Variants in SLC45A4 observed in about 807,000 individuals in gnomAD.
The protein encoded by SLC45A4 is polyamine-transporter SLC45A4.
Under a neutral mutation model 63.7 loss-of-function variants are expected in SLC45A4, and 32 were observed. The observed-to-expected ratio is 0.50, with a 90% CI of 0.38 to 0.67. The LOEUF is 0.67. Among genes scored for constraint, SLC45A4 ranks in the 30% least tolerant of loss-of-function variants. SLC45A4 has a pLI of 0.00. For missense variants in SLC45A4, 1,027 were observed against 1,157.7 expected (o/e 0.89, Z 1.64); for synonymous variants, 535 against 510.0 (o/e 1.05, Z -0.66).
intron 2 of SLC45A4, among the ~76,000 whole-genome samples, chr8:141,249,836 C>T (rs1828384046): frequency 1.3e-5 from 2 of 152,170 alleles, no homozygotes; most frequent in Non-Finnish European, 2.9e-5. Flanking sequence ...TAAATTGGGC[C>T]TTTTGTTGTC....
At chr8:141,242,962 A>C in intron 2 of SLC45A4, among the ~76,000 whole-genome samples, 1 of 152,144 alleles carries the variant, frequency 6.6e-6, no homozygotes. Context: ...TGCAGCGGGG[A>C]GCCGGCAGGG....
chr8:141,262,664 G>C (rs1484005855), intron 1 of SLC45A4, among the ~76,000 whole-genome samples: 32 of 152,196 alleles, frequency 2.1e-4, no homozygotes, highest in Non-Finnish European at 3.5e-4. Context: ...ACCACAATGA[G>C]ATACCATCTC....
intron 2 of SLC45A4, chr8:141,252,708 C>T (rs1307504119): frequency 1.6e-5 from 2 of 125,796 alleles, no homozygotes; most frequent in Non-Finnish European, 3.3e-5. Flanking sequence ...TGTTTTCACG[C>T]CCACCTGCGT....
At chr8:141,259,876 G>A (rs775500357) in intron 1 of SLC45A4, among the ~76,000 whole-genome samples, 1 of 152,190 alleles carries the variant, frequency 6.6e-6, no homozygotes, top group Non-Finnish European at 1.5e-5. Context: ...ATGAACAAAT[G>A]AAGCGAATGA....
At position 141,227,160 on chromosome 8, in the gene SLC45A4, A is replaced by C. The variant is rs1460395799; in HGVS notation, c.242-5395T>G. Among the ~76,000 whole-genome samples the C allele has an allele frequency of 6.6e-6, 1 of 152,202 alleles. No individual in the cohort carries two copies. The highest frequency in any genetic ancestry group is 1.5e-5 in the Non-Finnish European group (1 of 68,038). On this transcript the variant is annotated intron_variant, in intron 2 of 8. Coordinates refer to ENST00000517878, the MANE Select transcript of SLC45A4 (RefSeq NM_001286646.2). This position sits in a 1 kb window ranked among gnomAD's most constrained non-coding sequence, Gnocchi z 4.4. The stretch of plus-strand genomic sequence containing the variant: ...TTTTCCCAGGGAAAAGTTGAACAAC[A>C]ATGGTGAGACCAGGAAGGCTCTCCG...
intron 2 of SLC45A4, chr8:141,225,429 T>TAAAA (rs1826916714): frequency 6.6e-6 from 1 of 152,248 alleles, no homozygotes; most frequent in Non-Finnish European, 1.5e-5. Context: ...ACAGTCGGGT[T>TAAAA]AAAAGCGGTG....
chr8:141,230,879 C>T (rs960525693), intron 2 of SLC45A4, among the ~76,000 whole-genome samples: 3 of 152,226 alleles, frequency 2.0e-5, no homozygotes, highest in Admixed American at 6.5e-5. Context: ...ACGGCCCCAA[C>T]GACGCGGAAC....
At position 141,219,721 on chromosome 8, in the gene SLC45A4, C is replaced by G; in HGVS notation, c.539G>C (p.Arg180Pro). ...FSADATEGPI[R>P]AYLLDVVDSE... The stretch of plus-strand genomic sequence containing the variant: ...GTCCACCACGTCCAGCAGATAGGCA[C>G]GGATGGGCCCCTCGGTGGCATCGGC... Residue 180 changes from arginine to proline, a missense_variant, in exon 4 of 9, where the codon CGT becomes CCT. By Grantham distance (103) the Arg-to-Pro change is moderately radical (BLOSUM62 -2). Transcript: ENST00000517878. 1 of 1,610,466 alleles carries G rather than the reference C, an allele frequency of 6.2e-7. No homozygotes were observed. The highest frequency in any genetic ancestry group is 8.5e-7 in the Non-Finnish European group (1 of 1,178,664).
chr8:141,220,093 T>TTTAC (rs1569558093), intron 3 of SLC45A4, among the ~76,000 whole-genome samples: 22 of 152,154 alleles, frequency 1.4e-4, no homozygotes, highest in Middle Eastern at 3.4e-3. Context: ...GCGCCCTTGA[T>TTTAC]GTTTTTCAAA....
intron 1 of SLC45A4, among the ~76,000 whole-genome samples, chr8:141,294,416 GC>G (rs1439477229): frequency 6.6e-6 from 1 of 152,230 alleles, no homozygotes; most frequent in African/African-American, 2.4e-5. Context: ...CCTGACCCCA[GC>G]CCCCGCCTCA....
At chr8:141,237,376 AC>A (rs1179403620) in intron 2 of SLC45A4, among the ~76,000 whole-genome samples, 3 of 151,860 alleles carry the variant, frequency 2.0e-5, no homozygotes, top group Non-Finnish European at 4.4e-5. Flanking sequence ...TCCCCACCAC[AC>A]CACAGCCCAG....
chr8:141,275,491 G>C (rs981485876), intron 1 of SLC45A4, among the ~76,000 whole-genome samples: 1 of 152,020 alleles, frequency 6.6e-6, no homozygotes, highest in African/African-American at 2.4e-5. Flanking sequence ...CCAGCTATTC[G>C]GTAGGCTGAA....
chr8:141,222,097 A>G (rs370166661), intron 2 of SLC45A4, among the ~76,000 whole-genome samples: 904 of 10,252 alleles, frequency 0.088, 12 homozygotes, highest in African/African-American at 0.15. Context: ...AGGGCTGGAC[A>G]CAGGGCTGAG....
chr8:141,211,348 C>G lies in SLC45A4; in HGVS notation c.*224G>C. 1 of 1,388,386 alleles carries G rather than the reference C, an allele frequency of 7.2e-7. No homozygotes were observed. Among genetic ancestry groups the G allele is most frequent in the South Asian group, 1.5e-5 (1 of 65,220 alleles). The allele number at this position is 1,388,386 out of a possible 1,614,324, so 86.0% of individuals were successfully genotyped here. Reference sequence around the variant, plus strand: ...ATGGCTGGGCGCAGACACACTCACACGCGCACGCAGGAGCTCGTCTGGAGC... The same window carrying G: ...ATGGCTGGGCGCAGACACACTCACAGGCGCACGCAGGAGCTCGTCTGGAGC... On this transcript the variant is annotated 3_prime_UTR_variant, in exon 9 of 9. Transcript: ENST00000517878.
intron 1 of SLC45A4, among the ~76,000 whole-genome samples, chr8:141,270,478 A>G (rs1376412949): frequency 6.6e-6 from 1 of 151,826 alleles, no homozygotes; most frequent in East Asian, 1.9e-4. Flanking sequence ...GTTCCAGACC[A>G]GCCTGGACAA....
In SLC45A4 at chr8:141,254,261, AT is replaced by A; in HGVS notation, c.-33del. The A allele has an allele frequency of 1.4e-6, 2 of 1,476,430 alleles. No homozygotes were observed. Among genetic ancestry groups the A allele is most frequent in the Non-Finnish European group, 1.8e-6 (2 of 1,116,710 alleles). 91.5% of individuals were successfully genotyped at this position (1,476,430 alleles called of 1,614,324 possible). On this transcript the variant is annotated 5_prime_UTR_variant, in exon 2 of 9. Transcript: ENST00000517878. The surrounding 1 kb of genome is among the most constrained non-coding windows in gnomAD (Gnocchi z 4.5). Reference sequence around the variant, plus strand: ...CAAAAATATATGTATTTATCTATATATTCTATCTATATAAATAATGCTTTCA... The same window carrying A: ...CAAAAATATATGTATTTATCTATATATCTATCTATATAAATAATGCTTTCA...
At chr8:141,243,299 C>T (rs1253797580) in intron 2 of SLC45A4, among the ~76,000 whole-genome samples, 3 of 152,174 alleles carry the variant, frequency 2.0e-5, no homozygotes, top group South Asian at 2.1e-4. Context: ...AGAGCAGCTC[C>T]GCCAGGTGCC....
At chr8:141,222,629 GCAAA>G (rs1212650735) in intron 2 of SLC45A4, among the ~76,000 whole-genome samples, 3 of 152,224 alleles carry the variant, frequency 2.0e-5, no homozygotes, top group Non-Finnish European at 4.4e-5. Flanking sequence ...AACCAGGCGG[GCAAA>G]CAGTGTCGGC....
At chr8:141,280,325 C>T (rs2154615073) in intron 1 of SLC45A4, among the ~76,000 whole-genome samples, 1 of 152,230 alleles carries the variant, frequency 6.6e-6, no homozygotes, top group East Asian at 1.9e-4. Flanking sequence ...AACAGATAAG[C>T]CACCCACAGC....
Sources: allele counts gnomAD v4.1 joint callset (sites outside exome capture counted in the v4.1 genomes callset), GRCh38; gene constraint gnomAD v4.1.1; non-coding constraint Gnocchi (gnomAD v3.1); transcripts MANE v1.5; gene names NCBI Gene and HGNC (gene_info 2026-07-23, HGNC 2026-07-21).